The following ADARB2 variants were observed in gnomAD, a reference collection of about 807,000 sequenced individuals.
The protein encoded by ADARB2 is inactive double-stranded RNA-specific editase B2.
ADARB2 carries 25 observed loss-of-function variants against 62.2 expected under a neutral mutation model. That is an observed-to-expected ratio of 0.40 (90% CI 0.29 to 0.56). The LOEUF is 0.56. ADARB2 is among the 20% of genes least tolerant of loss of function. The pLI is 0.43. For synonymous variants in ADARB2, 572 were observed against 500.8 expected, an observed-to-expected ratio of 1.14 and a Z score of -1.90; for missense variants, 1,071 against 1,077.4, an observed-to-expected ratio of 0.99 and a Z score of 0.08.
At chr10:1,474,527 G>A (rs1831372891) in intron 1 of ADARB2, among the ~76,000 whole-genome samples, 1 of 152,208 alleles carries the variant, frequency 6.6e-6, no homozygotes, top group Non-Finnish European at 1.5e-5. Context: ...TGTGAACTGA[G>A]TGACACAGCC....
intron 1 of ADARB2, among the ~76,000 whole-genome samples, chr10:1,665,618 C>T (rs146329706): frequency 0.013 from 2,025 of 152,344 alleles, 29 homozygotes; most frequent in Middle Eastern, 0.034. Flanking sequence ...AAGAAGCAAT[C>T]GTCTACTGGG....
intron 1 of ADARB2, among the ~76,000 whole-genome samples, chr10:1,621,735 C>T (rs1833706017): frequency 6.6e-6 from 1 of 152,152 alleles, no homozygotes; most frequent in African/African-American, 2.4e-5. Context: ...GGGAGAAATT[C>T]CATGTTTCTG....
intron 1 of ADARB2, among the ~76,000 whole-genome samples, chr10:1,433,467 G>C (rs1462611690): frequency 6.6e-6 from 1 of 152,238 alleles, no homozygotes; most frequent in Non-Finnish European, 1.5e-5. Flanking sequence ...CTGGGTCGAA[G>C]TCTCCTGCAA....
chr10:1,572,948 G>A (rs1014634024), intron 1 of ADARB2, among the ~76,000 whole-genome samples: 7 of 152,208 alleles, frequency 4.6e-5, no homozygotes, highest in Non-Finnish European at 7.3e-5. Context: ...TTCCTGCAGC[G>A]GTGACCTTTC....
chr10:1,577,563 C>T (rs1005258148), intron 1 of ADARB2, among the ~76,000 whole-genome samples: 7 of 152,230 alleles, frequency 4.6e-5, no homozygotes, highest in Admixed American at 1.3e-4. Context: ...CCAGGGCCTC[C>T]GACCAGGGCT....
intron 1 of ADARB2, among the ~76,000 whole-genome samples, chr10:1,480,669 A>G (rs1004376203): frequency 2.6e-5 from 4 of 151,952 alleles, no homozygotes; most frequent in South Asian, 2.1e-4. Context: ...CTGCACTCCA[A>G]CCTGGGTGAA....
intron 1 of ADARB2, among the ~76,000 whole-genome samples, chr10:1,513,557 G>A (rs1334752886): frequency 6.6e-6 from 1 of 152,206 alleles, no homozygotes; most frequent in Non-Finnish European, 1.5e-5. Flanking sequence ...TCATGATGGA[G>A]CGCGCTGGGA....
chr10:1,284,433 A>G (rs1363108510), intron 3 of ADARB2, among the ~76,000 whole-genome samples: 1 of 152,146 alleles, frequency 6.6e-6, no homozygotes, highest in Non-Finnish European at 1.5e-5. Context: ...TAGGAAGGTT[A>G]AACTGTTGCA....
In ADARB2 at chr10:1,437,692, G is replaced by A. The variant is rs77311089; in HGVS notation, c.101-58532C>T. 5.7e-3 allele frequency among the ~76,000 whole-genome samples: 863 copies of A among 152,318 alleles called. 7 individuals are homozygous for A. The highest frequency in any genetic ancestry group is 0.027 in the Middle Eastern group (8 of 294). Reference sequence around the variant, plus strand: ...ATGAGGATCCTGGCCTTGGAAGAGCGTCCTGGGCAGGAGTGGGGTTTGGAC... The same window carrying A: ...ATGAGGATCCTGGCCTTGGAAGAGCATCCTGGGCAGGAGTGGGGTTTGGAC... On this transcript the variant is annotated intron_variant, in intron 1 of 9. Transcript: ENST00000381312.
intron 1 of ADARB2, among the ~76,000 whole-genome samples, chr10:1,579,596 C>T (rs1433236738): frequency 6.6e-6 from 1 of 152,188 alleles, no homozygotes; most frequent in African/African-American, 2.4e-5. Context: ...ATGTCACAGA[C>T]ACAGAGCATC....
intron 7 of ADARB2, chr10:1,215,583 G>A (rs530061220): frequency 1.3e-5 from 2 of 152,328 alleles, no homozygotes; most frequent in East Asian, 1.9e-4. Flanking sequence ...CAGCCTCGTT[G>A]GGAGTTGGGG....
intron 3 of ADARB2, chr10:1,292,216 C>G (rs1026227350): frequency 8.5e-5 from 13 of 152,392 alleles, no homozygotes; most frequent in Non-Finnish European, 1.9e-4. Context: ...CCTCCCGCCT[C>G]AGCCTCCCAC....
chr10:1,507,232 C>CA (rs1323182000), intron 1 of ADARB2, among the ~76,000 whole-genome samples: 1 of 152,216 alleles, frequency 6.6e-6, no homozygotes, highest in African/African-American at 2.4e-5. Flanking sequence ...GACGCTGCTA[C>CA]AGAGGAAGGA....
intron 1 of ADARB2, among the ~76,000 whole-genome samples, chr10:1,570,740 T>C (rs1473388313): frequency 1.3e-5 from 2 of 152,016 alleles, no homozygotes; most frequent in Non-Finnish European, 2.9e-5. Flanking sequence ...GCATGGGGGC[T>C]GGTTATTGTA....
intron 8 of ADARB2, among the ~76,000 whole-genome samples, chr10:1,187,579 T>C (rs1249405253): frequency 6.6e-6 from 1 of 152,242 alleles, no homozygotes. Flanking sequence ...GCCCCTCTCC[T>C]TTCTCTTTGC....
chr10:1,734,006 GTT>G lies in ADARB2; in HGVS notation c.100+3043_100+3044del, dbSNP rs5782600. Among the ~76,000 whole-genome samples the G allele has an allele frequency of 2.3e-4, 34 of 148,830 alleles. 1 individual carries two copies. The South Asian group carries it at 2.3e-3, about 10-fold the overall frequency. ...AGAGATTTTCCCTGTCCTTCTCATA[GTT>G]TTTTTTTTTTCAGCAGCTTGTTTTT... On this transcript the variant is annotated intron_variant, in intron 1 of 9. Transcript: ENST00000381312.
In ADARB2 at chr10:1,629,120, C is replaced by G. The variant is rs568038655; in HGVS notation, c.100+107931G>C. Among the ~76,000 whole-genome samples, 18 of 152,284 alleles carry G rather than the reference C, an allele frequency of 1.2e-4. No homozygotes were observed. The South Asian group carries it at 2.7e-3, about 23-fold the overall frequency. ...GTGTCCCCTAGCAACACAGAGTCCA[C>G]GAGTAACATGTTCCTTGGAAGTTTA... On this transcript the variant is annotated intron_variant, in intron 1 of 9. Transcript: ENST00000381312.
chr10:1,242,267 G>C lies in ADARB2; in HGVS notation c.1225C>G (p.Leu409Val), dbSNP rs1017717849. Residue 409 changes from leucine to valine, a missense_variant, in exon 5 of 10, where the codon CTG (leucine) becomes GTG (valine). Leu to Val is a conservative substitution (Grantham distance 32, BLOSUM62 1). Transcript: ENST00000381312. Reference protein sequence around the residue: ...LDARQAQVVALSSGTKCISGE... With the variant: ...LDARQAQVVAVSSGTKCISGE... ...CTGATGCACTTGGTCCCCGAGGACAGGGCCACGACCTGCGCCTGCCGAGCA... is the reference window on the plus strand; with the variant it reads ...CTGATGCACTTGGTCCCCGAGGACACGGCCACGACCTGCGCCTGCCGAGCA... 6 of 1,578,268 alleles carry C rather than the reference G, an allele frequency of 3.8e-6. No homozygotes were observed. The African/African-American group carries it at 8.1e-5, about 21-fold the overall frequency.
intron 1 of ADARB2, among the ~76,000 whole-genome samples, chr10:1,679,143 C>G (rs534109530): frequency 1.2e-4 from 18 of 152,250 alleles, no homozygotes; most frequent in Admixed American, 3.9e-4. Context: ...TTCATCTTTC[C>G]GAAGATAACC....
Sources: allele counts gnomAD v4.1 joint callset (sites outside exome capture counted in the v4.1 genomes callset), GRCh38; gene constraint gnomAD v4.1.1; transcripts MANE v1.5; gene names NCBI Gene and HGNC (gene_info 2026-07-23, HGNC 2026-07-21).